The following C9orf72 variants were observed in gnomAD, a reference collection of about 807,000 sequenced individuals.
C9orf72 encodes guanine nucleotide exchange factor C9orf72.
C9orf72 carries 44 observed loss-of-function variants against 51.6 expected under a neutral mutation model. The ratio of observed to expected loss-of-function variants is 0.85; its 90% CI spans 0.67 to 1.10. The LOEUF (loss-of-function observed/expected upper bound fraction) is 1.10, where lower values mean the gene tolerates loss of function less well. C9orf72 is among the 50% of genes least tolerant of loss of function. The pLI is 0.00. For synonymous variants in C9orf72, 213 were observed against 194.2 expected, an observed-to-expected ratio of 1.10 and a Z score of -0.81; for missense variants, 607 against 570.6, an observed-to-expected ratio of 1.06 and a Z score of -0.65.
intron 1 of C9orf72, among the ~76,000 whole-genome samples, chr9:27,571,533 G>C (rs1819586472): frequency 6.6e-6 from 1 of 152,026 alleles, no homozygotes; most frequent in African/African-American, 2.4e-5. Context: ...ATAGCTCTCG[G>C]TAACTTCAAA....
chr9:27,568,086 C>CAAAAAAAAAA (rs11418499), intron 1 of C9orf72, among the ~76,000 whole-genome samples: 20 of 80,570 alleles, frequency 2.5e-4, no homozygotes, highest in Admixed American at 4.3e-4. Flanking sequence ...GCTAAAAGGT[C>CAAAAAAAAAA]AAAAAAAAAA....
At chr9:27,564,178 A>T (rs1181735409) in intron 3 of C9orf72, among the ~76,000 whole-genome samples, 1 of 151,390 alleles carries the variant, frequency 6.6e-6, no homozygotes, top group African/African-American at 2.4e-5. Context: ...AAAAAAAAAA[A>T]ATCCTACAGG....
intron 3 of C9orf72, among the ~76,000 whole-genome samples, chr9:27,564,391 T>A (rs148372688): frequency 8.1e-4 from 124 of 152,268 alleles, no homozygotes; most frequent in African/African-American, 2.7e-3. Flanking sequence ...AGAATTTTAG[T>A]TGGTTCTAAG....
chr9:27,555,618 C>G (rs1302294346), intron 8 of C9orf72, among the ~76,000 whole-genome samples: 1 of 149,248 alleles, frequency 6.7e-6, no homozygotes, highest in South Asian at 2.1e-4. Flanking sequence ...CTGGAGTACA[C>G]TGGCACATCA....
intron 8 of C9orf72, among the ~76,000 whole-genome samples, chr9:27,556,036 C>G (rs138533049): frequency 0.012 from 1,686 of 146,538 alleles, 39 homozygotes; most frequent in African/African-American, 0.04. Flanking sequence ...TTTGAATTTA[C>G]TGTTCAGGCT....
In C9orf72 at chr9:27,562,383, C is replaced by G. The variant is rs1819371375; in HGVS notation, c.598G>C (p.Asp200His). ...TAATTGCTCTCATTTAAACTTACAT[C>G]TATTTCTTCAGGAACACTGTGTGAT... is the stretch of plus-strand genomic sequence containing the variant. ...MKSHSVPEEIDIADTVLNDDD... is the reference protein window; with the variant it reads ...MKSHSVPEEIHIADTVLNDDD... Residue 200 changes from aspartate to histidine, a missense_variant and splice_region_variant, in exon 4 of 11, where the codon GAT becomes CAT. Physicochemically the swap from Asp to His is moderately conservative, Grantham distance 81 (BLOSUM62 -1). Coordinates refer to ENST00000380003, the MANE Select transcript of C9orf72 (RefSeq NM_018325.5). The G allele has an allele frequency of 6.5e-7, 1 of 1,550,124 alleles. No individual in the cohort carries two copies. The highest frequency in any genetic ancestry group is 8.8e-7 in the Non-Finnish European group (1 of 1,135,428).
chr9:27,563,257 T>A (rs1819393559), intron 3 of C9orf72, among the ~76,000 whole-genome samples: 1 of 152,168 alleles, frequency 6.6e-6, no homozygotes, highest in Non-Finnish European at 1.5e-5. Context: ...TTTCAAGATA[T>A]TACTACTTAT....
Position 27,572,163 on chromosome 9 carries a change from T to A in C9orf72, c.-45+1268A>T, listed in dbSNP as rs574540676. On this transcript the variant is annotated intron_variant, in intron 1 of 10. Transcript: ENST00000380003. ...TATCAACTTCATAAGGTGCTTGTAATTTTTTCCTGGAGCAGGTAAATGCTG... is the reference window on the plus strand; with the variant it reads ...TATCAACTTCATAAGGTGCTTGTAAATTTTTCCTGGAGCAGGTAAATGCTG... Among the ~76,000 whole-genome samples the A allele has an allele frequency of 2.1e-4, 32 of 152,332 alleles. No homozygotes were observed. The South Asian group carries it at 6.6e-3, about 32-fold the overall frequency.
intron 1 of C9orf72, among the ~76,000 whole-genome samples, chr9:27,568,204 G>A (rs1306925126): frequency 2.0e-5 from 3 of 151,250 alleles, no homozygotes; most frequent in Non-Finnish European, 4.4e-5. Context: ...ACTGAAGCCC[G>A]ATCCTGATGT....
At chr9:27,557,496 T>C (rs2131534905) in intron 7 of C9orf72, among the ~76,000 whole-genome samples, 1 of 152,268 alleles carries the variant, frequency 6.6e-6, no homozygotes, top group East Asian at 1.9e-4. Context: ...CTATATGATT[T>C]GTATTTGCAT....
At chr9:27,560,347 T>C (rs1819313549) in intron 5 of C9orf72, 48 bp from the exon 6 acceptor site, 1 of 1,463,052 alleles carries the variant, frequency 6.8e-7, no homozygotes. Flanking sequence ...TAAAACAATT[T>C]AACAAACTAA....
chr9:27,548,433 TGGAAA>T lies in C9orf72; in HGVS notation c.1260-16_1260-12del. On this transcript the variant is annotated splice_polypyrimidine_tract_variant and intron_variant, in intron 10 of 10. Transcript: ENST00000380003. ...TTTTTTCCCTTCTGCCTAAAAATAA[TGGAAA>T]AAAAAAAAAAAAAAAAAAAAAAAGA... is the stretch of plus-strand genomic sequence containing the variant. The T allele has an allele frequency of 5.2e-5, 15 of 286,064 alleles. No homozygotes were observed. Among genetic ancestry groups the T allele is most frequent in the Non-Finnish European group, 6.0e-5 (14 of 232,280 alleles). The allele number at this position is 286,064 out of a possible 1,614,324, so 17.7% of individuals were successfully genotyped here.
At chr9:27,554,605 C>T (rs1325062736) in intron 8 of C9orf72, 11 of 398,234 alleles carry the variant, frequency 2.8e-5, no homozygotes, top group Non-Finnish European at 4.0e-5. Context: ...GTATAACACA[C>T]CTGCACATGT....
At chr9:27,560,793 T>C (rs1819324342) in intron 5 of C9orf72, 1 of 975,980 alleles carries the variant, frequency 1.0e-6, no homozygotes, top group South Asian at 4.7e-5. Context: ...TACTTTATAC[T>C]TTTACTTCTC....
chr9:27,566,626 A>C (rs750341112), intron 2 of C9orf72, 51 bp downstream of exon 2: 1 of 1,267,946 alleles, frequency 7.9e-7, no homozygotes, highest in South Asian at 1.5e-5. Context: ...ACCAGAAAAT[A>C]AGCTTTCAAC....
intron 8 of C9orf72, chr9:27,554,679 A>G (rs1055177734): frequency 1.5e-5 from 6 of 398,300 alleles, no homozygotes; most frequent in Non-Finnish European, 2.7e-5. Context: ...ATGTATTGGC[A>G]GTGACTGGAA....
At chr9:27,548,848 A>ATT (rs199834267) in intron 9 of C9orf72, among the ~76,000 whole-genome samples, 182 bp from the exon 10 acceptor site, 39 of 145,126 alleles carry the variant, frequency 2.7e-4, no homozygotes, top group East Asian at 4.0e-4. Context: ...ACAATCTGAT[A>ATT]TTTTTTTTTT....
In C9orf72 at chr9:27,570,039, A is replaced by C. The variant is rs564207589; in HGVS notation, c.-44-2875T>G. Reference sequence around the variant, plus strand: ...AACAGTTAACTCTAAGTATGTACAGAAATGGTTGAACACAACGACAGTTTT... The same window carrying C: ...AACAGTTAACTCTAAGTATGTACAGCAATGGTTGAACACAACGACAGTTTT... On this transcript the variant is annotated intron_variant, in intron 1 of 10. Coordinates refer to ENST00000380003, the MANE Select transcript of C9orf72 (RefSeq NM_018325.5). Among the ~76,000 whole-genome samples the C allele has an allele frequency of 4.0e-4, 61 of 152,362 alleles. 1 individual carries two copies. Among genetic ancestry groups the C allele is most frequent in the African/African-American group, 1.5e-3 (61 of 41,586 alleles).
intron 9 of C9orf72, among the ~76,000 whole-genome samples, chr9:27,549,051 G>C (rs1271741602): frequency 6.6e-6 from 1 of 152,098 alleles, no homozygotes; most frequent in Non-Finnish European, 1.5e-5. Context: ...CACCATGTTG[G>C]CAGGATGGTC....
Sources: allele counts gnomAD v4.1 joint callset (sites outside exome capture counted in the v4.1 genomes callset), GRCh38; gene constraint gnomAD v4.1.1; transcripts MANE v1.5; gene names NCBI Gene and HGNC (gene_info 2026-07-23, HGNC 2026-07-21).